COPB1: variants seen among roughly 807,000 people sequenced by gnomAD.
COPB1 encodes the protein coatomer subunit beta.
A neutral mutation model predicts 108.7 loss-of-function variants in COPB1; 21 were observed. The observed-to-expected ratio is 0.19, with a 90% confidence interval of 0.14 to 0.28. COPB1 has a LOEUF of 0.28. Among genes scored for constraint, COPB1 ranks in the 10% least tolerant of loss-of-function variants. The pLI, the probability that COPB1 is intolerant of heterozygous loss-of-function variation, is 1.00. For missense variants in COPB1, 919 were observed against 1,141.3 expected (o/e 0.81, Z 2.81); for synonymous variants, 378 against 386.8 (o/e 0.98, Z 0.27).
intron 11 of COPB1, among the ~76,000 whole-genome samples, chr11:14,478,353 T>C (rs1402907426): frequency 2.0e-5 from 3 of 151,126 alleles, no homozygotes; most frequent in Non-Finnish European, 4.4e-5. Context: ...GGTGGGAGGA[T>C]TGCTTTAGTC....
At chr11:14,474,678 A>G (rs1850479970) in intron 13 of COPB1, 63 bp from the exon 14 acceptor site, 1 of 1,597,272 alleles carries the variant, frequency 6.3e-7, no homozygotes, top group Non-Finnish European at 8.5e-7. Context: ...GCTTCTGTAT[A>G]AATGAATGAT....
chr11:14,470,451 T>C (rs1385665620), intron 14 of COPB1, among the ~76,000 whole-genome samples: 1 of 152,240 alleles, frequency 6.6e-6, no homozygotes, highest in Non-Finnish European at 1.5e-5. Flanking sequence ...CTTTAATGAA[T>C]GTCAGCCTTC....
rs1850969086 is a variant in COPB1, at chr11:14,494,219, T to G, written c.312A>C (p.Ala104=). 6.2e-7 allele frequency: 1 copy of G among 1,605,926 alleles called. No individual in the cohort carries two copies. The highest frequency in any genetic ancestry group is 8.5e-7 in the Non-Finnish European group (1 of 1,173,964). Residue 104 remains alanine, a synonymous_variant, in exon 3 of 22, where the codon GCA becomes GCC. Transcript: ENST00000439561. ...LLHEMILVCD[A]YRKDLQHPNE... ...TTATGATTTGGTTTACCTTTCTGTA[T>G]GCATCACATACAAGGATCATCTCAT...
chr11:14,463,355 T>C (rs1286149065), intron 18 of COPB1, among the ~76,000 whole-genome samples: 3 of 152,248 alleles, frequency 2.0e-5, no homozygotes, highest in East Asian at 3.8e-4. Flanking sequence ...TCTCACTCTG[T>C]TGTCTAGGCT....
Position 14,485,306 on chromosome 11 carries a change from A to G in COPB1, c.837+1061T>C, listed in dbSNP as rs1850746160. 2.6e-5 allele frequency among the ~76,000 whole-genome samples: 4 copies of G among 151,838 alleles called. No homozygotes were observed. In the South Asian group the frequency reaches 6.2e-4, roughly 24 times the overall value. ...CAAAGTACTGGGACTCCAGGCATGC[A>G]CCACCACACCTAGCACCAGCTAATT... On this transcript the variant is annotated intron_variant, in intron 7 of 21. Transcript: ENST00000439561.
At chr11:14,494,901 G>C (rs1173566346) in intron 2 of COPB1, among the ~76,000 whole-genome samples, 3 of 152,126 alleles carry the variant, frequency 2.0e-5, no homozygotes, top group African/African-American at 7.2e-5. Context: ...TTTAACATTA[G>C]AAAGAGAAAC....
At chr11:14,490,472 A>G (rs1175646043) in intron 5 of COPB1, 93 bp downstream of exon 5, 4 of 697,906 alleles carry the variant, frequency 5.7e-6, no homozygotes, top group African/African-American at 5.6e-5. Flanking sequence ...ACTATAAACA[A>G]AATTACTGAC....
At chr11:14,493,604 T>C (rs775093268) in intron 4 of COPB1, 38 bp downstream of exon 4, 42 of 1,548,252 alleles carry the variant, frequency 2.7e-5, no homozygotes, top group Non-Finnish European at 3.6e-5. Context: ...GACTAAACAG[T>C]ACTCACAGAA....
At chr11:14,479,519 A>G (rs754518894) in intron 11 of COPB1, 50 bp downstream of exon 11, 1 of 1,536,978 alleles carries the variant, frequency 6.5e-7, no homozygotes, top group South Asian at 1.2e-5. Context: ...AAAGATAAAA[A>G]CTGATAAAAT....
At chr11:14,483,280 CTCAT>C (rs1387887075) in intron 7 of COPB1, 129 bp from the exon 8 acceptor site, 4 of 513,796 alleles carry the variant, frequency 7.8e-6, no homozygotes, top group Non-Finnish European at 1.3e-5. Context: ...CCAAAATACA[CTCAT>C]TAATTAATCC....
intron 14 of COPB1, among the ~76,000 whole-genome samples, chr11:14,471,036 T>C (rs1237785905): frequency 6.6e-6 from 1 of 150,920 alleles, no homozygotes; most frequent in Non-Finnish European, 1.5e-5. Context: ...TTTACACTAC[T>C]GGGAAAAAAA....
In COPB1 at chr11:14,471,400, C is replaced by G. The variant is rs1159022012; in HGVS notation, c.1738-1837G>C. On this transcript the variant is annotated intron_variant, in intron 14 of 21. Transcript: ENST00000439561. ...TCCCAACTTCCAGAAGTGATGCAAC[C>G]AGGAGAGGAAAGCAAATTCAACTCT... Among the ~76,000 whole-genome samples, 3 of 152,178 alleles carry G rather than the reference C, an allele frequency of 2.0e-5. 1 individual carries two copies. In the Middle Eastern group the frequency reaches 0.01, roughly 518 times the overall value.
chr11:14,483,882 T>C (rs1850714000), intron 7 of COPB1, among the ~76,000 whole-genome samples: 1 of 152,208 alleles, frequency 6.6e-6, no homozygotes, highest in South Asian at 2.1e-4. Flanking sequence ...AGGAACAACA[T>C]ATTTGCATAG....
chr11:14,472,429 C>CA (rs1850429165), intron 14 of COPB1, among the ~76,000 whole-genome samples: 1 of 152,172 alleles, frequency 6.6e-6, no homozygotes, highest in African/African-American at 2.4e-5. Flanking sequence ...AGAGCACAGA[C>CA]AGAGTTGATT....
chr11:14,475,701 A>T, intron 13 of COPB1, 84 bp downstream of exon 13: 1 of 1,315,728 alleles, frequency 7.6e-7, no homozygotes, highest in Non-Finnish European at 9.9e-7. Flanking sequence ...CAAAAGCAAG[A>T]GGAAAGAAAT....
At chr11:14,497,577 C>T (rs915528251) in intron 2 of COPB1, among the ~76,000 whole-genome samples, 21 of 152,074 alleles carry the variant, frequency 1.4e-4, no homozygotes, top group Admixed American at 1.1e-3. Context: ...AGGGAACCCT[C>T]GTACACTGTT....
rs962680242 is a variant in COPB1, at chr11:14,457,989, AAT to A, written c.2803-108_2803-107del. ...TCAATTCAATGACACCATTATCAAC[AAT>A]AAAATCAAGGACATACCAAACAGAC... On this transcript the variant is annotated intron_variant, in intron 21 of 21. Coordinates refer to ENST00000439561, the MANE Select transcript of COPB1 (RefSeq NM_001144061.2). 3.1e-5 allele frequency: 19 copies of A among 614,774 alleles called. No individual in the cohort carries two copies. In the African/African-American group the frequency reaches 3.4e-4, roughly 11 times the overall value. 38.1% of individuals were successfully genotyped at this position (614,774 alleles called of 1,614,324 possible).
intron 2 of COPB1, among the ~76,000 whole-genome samples, chr11:14,497,573 C>A (rs989741679): frequency 7.2e-5 from 11 of 152,086 alleles, no homozygotes; most frequent in African/African-American, 9.7e-5. Flanking sequence ...GAAAAGGGAA[C>A]CCTCGTACAC....
At chr11:14,499,635 C>G (rs1851111825) in intron 1 of COPB1, 72 bp downstream of exon 1, 1 of 150,502 alleles carries the variant, frequency 6.6e-6, no homozygotes. Context: ...GGCCCAGACG[C>G]AAGCGGCCTA....
Sources: allele counts gnomAD v4.1 joint callset (sites outside exome capture counted in the v4.1 genomes callset), GRCh38; gene constraint gnomAD v4.1.1; transcripts MANE v1.5; gene names NCBI Gene and HGNC (gene_info 2026-07-23, HGNC 2026-07-21).